The following INSR variants were observed in gnomAD, a reference collection of about 807,000 sequenced individuals.
The protein encoded by INSR is IR.
In INSR, 67 loss-of-function variants were observed where a neutral mutation model predicts 142.6. The observed-to-expected ratio is 0.47, with a 90% CI of 0.39 to 0.58. The LOEUF is 0.58. INSR is among the 20% of genes least tolerant of loss of function. INSR has a pLI of 0.00. For synonymous variants in INSR, 756 were observed against 743.1 expected (o/e 1.02, Z -0.28); for missense variants, 1,248 against 1,833.2 (o/e 0.68, Z 5.83).
intron 2 of INSR, among the ~76,000 whole-genome samples, chr19:7,256,802 T>C (rs1247638962): frequency 6.6e-6 from 1 of 151,784 alleles, no homozygotes; most frequent in Non-Finnish European, 1.5e-5. Flanking sequence ...GGAATTTTTT[T>C]CAGTACAGTT....
Position 7,117,293 on chromosome 19 carries a change from G to A in INSR, c.3912C>T (p.Phe1304=), listed in dbSNP as rs267605757. 1.2e-6 allele frequency: 2 copies of A among 1,614,174 alleles called. No individual in the cohort carries two copies. The highest frequency in any genetic ancestry group is 3.3e-5 in the Admixed American group (2 of 60,024). ...CGGGAGCCTTGTTCTCCTCGCTGTGGAAGAACGACACCTCTGGAAAGCTGG... is the reference window on the plus strand; with the variant it reads ...CGGGAGCCTTGTTCTCCTCGCTGTGAAAGAACGACACCTCTGGAAAGCTGG... The part of the protein sequence containing the change: ...LHPSFPEVSF[F]HSEENKAPES... Residue 1304 remains phenylalanine (F), a synonymous_variant, in exon 22 of 22, where the codon TTC becomes TTT. Transcript: ENST00000302850.
chr19:7,280,251 G>A (rs1042540414), intron 1 of INSR, among the ~76,000 whole-genome samples: 2 of 151,320 alleles, frequency 1.3e-5, no homozygotes, highest in African/African-American at 4.9e-5. Flanking sequence ...GCAACAGAGC[G>A]AGACTCCGTC....
chr19:7,215,421 C>T (rs1021145626), intron 2 of INSR, among the ~76,000 whole-genome samples: 8 of 151,786 alleles, frequency 5.3e-5, no homozygotes, highest in Non-Finnish European at 1.0e-4. Context: ...GTCCCCACCA[C>T]CACCCCCTCC....
Position 7,116,948 on chromosome 19 carries a change from T to C in INSR, c.*108A>G. The stretch of plus-strand genomic sequence containing the variant: ...AAATGTATAGGAACGATCTCTGAAC[T>C]CCATTGGACATGGTAGAGTCGTGAG... On this transcript the variant is annotated 3_prime_UTR_variant, in exon 22 of 22. Transcript: ENST00000302850. The C allele has an allele frequency of 1.1e-6, 1 of 885,882 alleles. No homozygotes were observed. 54.9% of individuals were successfully genotyped at this position (885,882 alleles called of 1,614,324 possible).
chr19:7,130,572 T>TAA lies in INSR; in HGVS notation c.2842+1584_2842+1585dup, dbSNP rs561740191. 1.1e-4 allele frequency among the ~76,000 whole-genome samples: 17 copies of TAA among 152,282 alleles called. No individual in the cohort carries two copies. In the East Asian group the frequency reaches 2.7e-3, roughly 24 times the overall value. On this transcript the variant is annotated intron_variant, in intron 14 of 21. Coordinates refer to ENST00000302850, the MANE Select transcript of INSR (RefSeq NM_000208.4). ...TGGGTTCTCATGGGATCTGGTTGTT[T>TAA]AAGAAGTGTGTAGCACCATCTCCCC...
At chr19:7,212,372 T>A (rs966324046) in intron 2 of INSR, among the ~76,000 whole-genome samples, 3 of 151,986 alleles carry the variant, frequency 2.0e-5, no homozygotes, top group South Asian at 2.1e-4. Flanking sequence ...TTCCCCATCA[T>A]CCCCGGGACC....
At chr19:7,255,496 C>T (rs1976859373) in intron 2 of INSR, among the ~76,000 whole-genome samples, 2 of 145,080 alleles carry the variant, frequency 1.4e-5, no homozygotes, top group Non-Finnish European at 3.1e-5. Flanking sequence ...CCCTCTCACC[C>T]TGTCTTTTCT....
At chr19:7,226,726 T>C (rs1315916148) in intron 2 of INSR, among the ~76,000 whole-genome samples, 1 of 12,632 alleles carries the variant, frequency 7.9e-5, no homozygotes. Context: ...AGACCCTGTT[T>C]CCAAAAAAAA....
In INSR at chr19:7,150,425, C is replaced by T; in HGVS notation, c.2267+72G>A. 1 of 1,435,490 alleles carries T rather than the reference C, an allele frequency of 7.0e-7. No homozygotes were observed. The highest frequency in any genetic ancestry group is 1.4e-5 in the African/African-American group (1 of 71,122). The allele number at this position is 1,435,490 out of a possible 1,614,324, so 88.9% of individuals were successfully genotyped here. A position where few individuals can be genotyped will look rare whatever the true frequency, so the allele number is the denominator to read the frequency against. ...AAAGCCACAGAAACCCCTGGGTTCT[C>T]CGAGGCATCTGCCTGGCACGCCGCC... On this transcript the variant is annotated intron_variant, in intron 11 of 21. Coordinates refer to ENST00000302850, the MANE Select transcript of INSR (RefSeq NM_000208.4). This position sits in a 1 kb window ranked among gnomAD's most constrained non-coding sequence, Gnocchi z 4.2.
At chr19:7,206,789 A>G in intron 2 of INSR, among the ~76,000 whole-genome samples, 1 of 152,118 alleles carries the variant, frequency 6.6e-6, no homozygotes, top group East Asian at 1.9e-4. Flanking sequence ...ACAAAAAAAG[A>G]GTCATCAAGG....
In INSR at chr19:7,152,896, T is replaced by G. The variant is rs1160559050; in HGVS notation, c.2061A>C (p.Pro687=). ...TCTGAGAATCTTCAGACTCGAATGGTGGAGACCAGGTCCTCGAGGGCAGCT... is the reference window on the plus strand; with the variant it reads ...TCTGAGAATCTTCAGACTCGAATGGGGGAGACCAGGTCCTCGAGGGCAGCT... The part of the protein sequence containing the change: ...GLKLPSRTWS[P]PFESEDSQKH... The change falls in exon 10 of 22, where the codon CCA becomes CCC. Residue 687 remains proline, a synonymous_variant. Coordinates refer to ENST00000302850, the MANE Select transcript of INSR (RefSeq NM_000208.4). The G allele has an allele frequency of 1.9e-6, 3 of 1,612,246 alleles. No homozygotes were observed. Among genetic ancestry groups the G allele is most frequent in the Non-Finnish European group, 2.5e-6 (3 of 1,179,826 alleles).
chr19:7,233,860 T>C (rs1332692747), intron 2 of INSR, among the ~76,000 whole-genome samples: 1 of 150,940 alleles, frequency 6.6e-6, no homozygotes, highest in East Asian at 2.0e-4. Flanking sequence ...GTATTTTTAG[T>C]AGAGACAGGG....
chr19:7,213,356 A>AC (rs1434301613), intron 2 of INSR, among the ~76,000 whole-genome samples: 7 of 140,430 alleles, frequency 5.0e-5, no homozygotes, highest in South Asian at 2.1e-4. Flanking sequence ...AAAAAAAAAA[A>AC]AAACAAACAA....
At chr19:7,198,144 C>G (rs963935862) in intron 2 of INSR, among the ~76,000 whole-genome samples, 39 of 151,874 alleles carry the variant, frequency 2.6e-4, no homozygotes, top group Non-Finnish European at 4.6e-4. Flanking sequence ...GAGGCCTCAG[C>G]GCAGCACAAA....
chr19:7,141,786 G>A lies in INSR; in HGVS notation c.2573C>T (p.Thr858Met), dbSNP rs201466857. The change falls in exon 13 of 22, where the codon ACG (threonine) becomes ATG (methionine). Residue 858 changes from threonine to methionine, a missense_variant. Transcript: ENST00000302850. ...GACGTTGTTCTCAAAGATTTCATGCGTCACAGGGCCAACAATGTCATCAGC... is the reference window on the plus strand; with the variant it reads ...GACGTTGTTCTCAAAGATTTCATGCATCACAGGGCCAACAATGTCATCAGC... Reference protein sequence around the residue: ...AKADDIVGPVTHEIFENNVVH... With the variant: ...AKADDIVGPVMHEIFENNVVH... 3.4e-4 allele frequency: 551 copies of A among 1,614,122 alleles called. 1 individual carries two copies. The highest frequency in any genetic ancestry group is 8.0e-4 in the African/African-American group (60 of 75,036).
intron 9 of INSR, among the ~76,000 whole-genome samples, chr19:7,158,442 A>C (rs1248243299): frequency 6.6e-6 from 1 of 152,202 alleles, no homozygotes; most frequent in Non-Finnish European, 1.5e-5. Flanking sequence ...CGGAGCTTGC[A>C]GTGAGCCGAG....
At chr19:7,239,544 A>G (rs3852876) in intron 2 of INSR, among the ~76,000 whole-genome samples, 52,385 of 151,946 alleles carry the variant, frequency 0.34, 10,100 homozygotes, top group African/African-American at 0.51. Flanking sequence ...GGGAGTATAT[A>G]CTAGATCTAA....
chr19:7,180,526 T>A, intron 3 of INSR, among the ~76,000 whole-genome samples: 1 of 53,676 alleles, frequency 1.9e-5, no homozygotes, highest in African/African-American at 1.3e-4. Context: ...CAAGACCTTG[T>A]CTCAAAAAAA....
At position 7,117,404 on chromosome 19, in the gene INSR, G is replaced by A. The variant is rs761847127; in HGVS notation, c.3801C>T (p.Asp1267=). 6.2e-7 allele frequency: 1 copy of A among 1,613,182 alleles called. No individual in the cohort carries two copies. Among genetic ancestry groups the A allele is most frequent in the East Asian group, 2.2e-5 (1 of 44,862 alleles). The change falls in exon 22 of 22, where the codon GAC becomes GAT. Residue 1267 remains aspartate (D), a synonymous_variant. Transcript: ENST00000302850. ...QPDNCPERVT[D]LMRMCWQFNP... Reference sequence around the variant, plus strand: ...TGAATTGCCAGCACATGCGCATGAGGTCAGTGCTGCGGGGCAGAAGGACAC... The same window carrying A: ...TGAATTGCCAGCACATGCGCATGAGATCAGTGCTGCGGGGCAGAAGGACAC...
Sources: gnomAD v4.1 joint callset for allele counts (sites outside exome capture counted in the v4.1 genomes callset) on GRCh38, gnomAD v4.1.1 for gene constraint, Gnocchi (gnomAD v3.1) non-coding constraint, MANE v1.5 for transcripts, NCBI Gene and HGNC (gene_info 2026-07-23, HGNC 2026-07-21) for gene names.